GFRAL: variants seen among roughly 807,000 people sequenced by gnomAD.
GFRAL encodes the protein GDNF family receptor alpha like, also known as GDNF family receptor alpha-like.
Under a neutral mutation model 45.4 loss-of-function variants are expected in GFRAL, and 36 were observed. The ratio of observed to expected loss-of-function variants is 0.79; its 90% confidence interval spans 0.61 to 1.05. The LOEUF (loss-of-function observed/expected upper bound fraction) is 1.05. GFRAL is among the 50% of genes least tolerant of loss of function. GFRAL has a pLI of 0.00. For synonymous variants in GFRAL, 166 were observed against 154.1 expected (o/e 1.08, Z -0.57); for missense variants, 507 against 467.5 (o/e 1.08, Z -0.78).
chr6:55,346,583 C>G (rs182549828), intron 3 of GFRAL, among the ~76,000 whole-genome samples: 3 of 151,810 alleles, frequency 2.0e-5, no homozygotes, highest in Non-Finnish European at 2.9e-5. Flanking sequence ...AGGAGATATA[C>G]CTAATGTAAA....
At chr6:55,349,944 T>A in intron 3 of GFRAL, 148 bp from the exon 4 acceptor site, 1 of 638,810 alleles carries the variant, frequency 1.6e-6, no homozygotes, top group Non-Finnish European at 2.8e-6. Context: ...ATTTTGAATA[T>A]CAAGGGCTAA....
chr6:55,382,820 A>G (rs917671922), intron 6 of GFRAL, among the ~76,000 whole-genome samples: 1 of 151,962 alleles, frequency 6.6e-6, no homozygotes, highest in Non-Finnish European at 1.5e-5. Context: ...AATCACAATA[A>G]ACATTTCTAA....
intron 3 of GFRAL, among the ~76,000 whole-genome samples, chr6:55,335,700 C>G (rs149380544): frequency 6.6e-6 from 1 of 152,138 alleles, no homozygotes; most frequent in Non-Finnish European, 1.5e-5. Flanking sequence ...TATAATTTTA[C>G]TTTTCTCAAA....
At chr6:55,342,866 G>A (rs1767987953) in intron 3 of GFRAL, among the ~76,000 whole-genome samples, 1 of 151,890 alleles carries the variant, frequency 6.6e-6, no homozygotes, top group Admixed American at 6.6e-5. Context: ...AAAAAGGCAG[G>A]GGTTGCAATC....
Position 55,360,924 on chromosome 6 carries a change from A to G in GFRAL, c.952+1786A>G, listed in dbSNP as rs945581504. On this transcript the variant is annotated intron_variant, in intron 6 of 8. Coordinates refer to ENST00000340465, the MANE Select transcript of GFRAL (RefSeq NM_207410.2). Reference sequence around the variant, plus strand: ...TAATGATTCAATTTATTTGGCAAAAATTCTCTAAAAATACAGGTCTAAACA... The same window carrying G: ...TAATGATTCAATTTATTTGGCAAAAGTTCTCTAAAAATACAGGTCTAAACA... Among the ~76,000 whole-genome samples, 4 of 152,114 alleles carry G rather than the reference A, an allele frequency of 2.6e-5. No individual in the cohort carries two copies. The Middle Eastern group carries it at 0.014, about 517-fold the overall frequency.
chr6:55,381,147 G>A (rs1214597831), intron 6 of GFRAL, among the ~76,000 whole-genome samples: 1 of 151,920 alleles, frequency 6.6e-6, no homozygotes, highest in African/African-American at 2.4e-5. Flanking sequence ...GCTCTTAAAT[G>A]TGTGCATTCC....
intron 4 of GFRAL, 102 bp from the exon 5 acceptor site, chr6:55,351,151 A>C: frequency 1.3e-6 from 1 of 799,500 alleles, no homozygotes; most frequent in South Asian, 1.7e-5. Flanking sequence ...ACATTGGTAC[A>C]TCATTGTATT....
intron 6 of GFRAL, among the ~76,000 whole-genome samples, chr6:55,383,202 C>A (rs1768634910): frequency 6.6e-6 from 1 of 151,950 alleles, no homozygotes; most frequent in Non-Finnish European, 1.5e-5. Context: ...CTACAAGCAA[C>A]TAGGTGAGGC....
At chr6:55,328,434 T>G (rs1362474687) in intron 1 of GFRAL, among the ~76,000 whole-genome samples, 1 of 151,866 alleles carries the variant, frequency 6.6e-6, no homozygotes, top group African/African-American at 2.4e-5. Context: ...TACTTTAAAT[T>G]GTATCGAACA....
intron 6 of GFRAL, among the ~76,000 whole-genome samples, chr6:55,365,860 T>TAA (rs1449859606): frequency 7.5e-5 from 11 of 146,778 alleles, no homozygotes; most frequent in African/African-American, 2.8e-4. Context: ...TATTGAGGTT[T>TAA]TTTGCATCAA....
chr6:55,340,166 G>T (rs185853526), intron 3 of GFRAL, among the ~76,000 whole-genome samples: 1 of 152,126 alleles, frequency 6.6e-6, no homozygotes, highest in African/African-American at 2.4e-5. Flanking sequence ...ATATGAGAAA[G>T]AACATGATAA....
rs561599537 is a variant in GFRAL at position 55,375,748 on chromosome 6, A to T, written c.952+16610A>T. ...CTTTGCTGAAGTTGCTTATCAGCTTAAGATGCTTTTGGGCTAAAACAATGG... is the reference window on the plus strand; with the variant it reads ...CTTTGCTGAAGTTGCTTATCAGCTTTAGATGCTTTTGGGCTAAAACAATGG... On this transcript the variant is annotated intron_variant, in intron 6 of 8. Coordinates refer to ENST00000340465, the MANE Select transcript of GFRAL (RefSeq NM_207410.2). Among the ~76,000 whole-genome samples the T allele has an allele frequency of 4.2e-3, 635 of 152,244 alleles. 5 individuals are homozygous for T. Among genetic ancestry groups the T allele is most frequent in the African/African-American group, 0.015 (604 of 41,542 alleles).
At chr6:55,389,902 T>A (rs1768725823) in intron 6 of GFRAL, among the ~76,000 whole-genome samples, 1 of 152,214 alleles carries the variant, frequency 6.6e-6, no homozygotes, top group Admixed American at 6.5e-5. Context: ...CTGACTGACG[T>A]GGAATAATTT....
intron 3 of GFRAL, among the ~76,000 whole-genome samples, chr6:55,346,416 T>C (rs1768042660): frequency 6.6e-6 from 1 of 151,992 alleles, no homozygotes; most frequent in Admixed American, 6.6e-5. Flanking sequence ...CTGGAAACCA[T>C]CATTCTCAGC....
At chr6:55,352,762 C>G (rs1428617338) in intron 5 of GFRAL, among the ~76,000 whole-genome samples, 10 of 151,962 alleles carry the variant, frequency 6.6e-5, no homozygotes, top group Admixed American at 6.6e-4. Context: ...ATGCTATGAC[C>G]ATAGAAATGT....
At chr6:55,367,698 TG>T (rs1161855395) in intron 6 of GFRAL, among the ~76,000 whole-genome samples, 2 of 149,776 alleles carry the variant, frequency 1.3e-5, no homozygotes, top group Non-Finnish European at 3.0e-5. Flanking sequence ...TCTTCACTTA[TG>T]AAGCTTAGTT....
intron 6 of GFRAL, among the ~76,000 whole-genome samples, chr6:55,367,857 C>T (rs1768387245): frequency 1.3e-5 from 2 of 152,066 alleles, no homozygotes; most frequent in Middle Eastern, 3.4e-3. Context: ...CGACCTTTCT[C>T]TCTGGCTGCC....
At chr6:55,363,497 T>C (rs567006427) in intron 6 of GFRAL, among the ~76,000 whole-genome samples, 2 of 151,442 alleles carry the variant, frequency 1.3e-5, no homozygotes, top group Admixed American at 6.6e-5. Context: ...GCAGGTTAGT[T>C]ACATATGTAT....
chr6:55,339,697 C>T (rs568490601), intron 3 of GFRAL, among the ~76,000 whole-genome samples: 1 of 152,116 alleles, frequency 6.6e-6, no homozygotes, highest in Non-Finnish European at 1.5e-5. Flanking sequence ...CATTAATTTG[C>T]TACTTAGTAG....
Sources: gnomAD v4.1 joint callset for allele counts (sites outside exome capture counted in the v4.1 genomes callset) on GRCh38, gnomAD v4.1.1 for gene constraint, MANE v1.5 for transcripts, NCBI Gene and HGNC (gene_info 2026-07-23, HGNC 2026-07-21) for gene names.